The following DDR2 variants were observed in gnomAD, a reference collection of about 807,000 sequenced individuals.
DDR2 encodes discoidin domain receptor tyrosine kinase 2.
DDR2 carries 27 observed loss-of-function variants against 94.9 expected under a neutral mutation model. That is an observed-to-expected ratio of 0.28 (90% CI 0.21 to 0.39). The LOEUF (loss-of-function observed/expected upper bound fraction) is 0.39. Ranked by LOEUF, DDR2 falls within the 10% of genes least tolerant of loss-of-function variation. The pLI is 1.00. For synonymous variants in DDR2, 382 were observed against 377.2 expected (o/e 1.01, Z -0.15); for missense variants, 783 against 1,076.0 (o/e 0.73, Z 3.81).
chr1:162,761,153 T>A (rs1012407076), intron 8 of DDR2, 58 bp from the exon 9 acceptor site: 34 of 1,611,762 alleles, frequency 2.1e-5, no homozygotes, highest in Admixed American at 3.3e-5. Context: ...GCTGGCACTG[T>A]GTCTCCATGC....
Position 162,717,062 on chromosome 1 carries a change from G to A in DDR2, c.-27-1975G>A, listed in dbSNP as rs377408114. ...ATTCTAGAACAGTTTTTTTTTTTTTGTCTCACTCTGTCGCCCAGGCTGGAG... is the reference window on the plus strand; with the variant it reads ...ATTCTAGAACAGTTTTTTTTTTTTTATCTCACTCTGTCGCCCAGGCTGGAG... On this transcript the variant is annotated intron_variant, in intron 2 of 17. Transcript: ENST00000367921. 3.1e-4 allele frequency among the ~76,000 whole-genome samples: 30 copies of A among 95,328 alleles called. No individual in the cohort carries two copies. In the South Asian group the frequency reaches 8.2e-3, roughly 26 times the overall value. 62.5% of individuals were successfully genotyped at this position (95,328 alleles called of 152,430 possible). A position where few individuals can be genotyped will look rare whatever the true frequency, so the allele number is the denominator to read the frequency against.
At chr1:162,726,739 C>T (rs910464374) in intron 3 of DDR2, among the ~76,000 whole-genome samples, 5 of 151,980 alleles carry the variant, frequency 3.3e-5, no homozygotes, top group Admixed American at 1.3e-4. Flanking sequence ...TCAGGGCTCT[C>T]GTGTGGAAAG....
In DDR2 at chr1:162,752,378, C is replaced by T. The variant is rs76591942; in HGVS notation, c.83-717C>T. On this transcript the variant is annotated intron_variant, in intron 3 of 17. Coordinates refer to ENST00000367921, the MANE Select transcript of DDR2 (RefSeq NM_006182.4). ...TCTCATGCCAGTAAGCTGATGCCAC[C>T]GTAGGGGTCAACTTTTTTGTTTCCT... 3.2e-3 allele frequency among the ~76,000 whole-genome samples: 484 copies of T among 152,320 alleles called. 2 individuals carry two copies. The highest frequency in any genetic ancestry group is 5.4e-3 in the Non-Finnish European group (370 of 68,024).
chr1:162,774,317 A>C (rs867285423), intron 14 of DDR2, among the ~76,000 whole-genome samples: 2 of 152,162 alleles, frequency 1.3e-5, no homozygotes, highest in Admixed American at 6.5e-5. Context: ...AAATCTCCAC[A>C]CCTGGATAAC....
chr1:162,769,273 G>A (rs188594983), intron 11 of DDR2, among the ~76,000 whole-genome samples: 15 of 152,288 alleles, frequency 9.8e-5, no homozygotes, highest in African/African-American at 3.4e-4. Context: ...GATGACTCAA[G>A]GTGCTCTGGA....
rs1002244100 is a variant in DDR2 at position 162,785,171 on chromosome 1, T to C, written c.*4925T>C. ...CACAAAACACAGTAAGACCTGTTCA[T>C]AGCTTGTTGTCTAGAAAACCAGGTA... On this transcript the variant is annotated 3_prime_UTR_variant, in exon 18 of 18. Coordinates refer to ENST00000367921, the MANE Select transcript of DDR2 (RefSeq NM_006182.4). The C allele has an allele frequency of 2.0e-5, 3 of 152,170 alleles. No homozygotes were observed. Among genetic ancestry groups the C allele is most frequent in the Non-Finnish European group, 4.4e-5 (3 of 68,020 alleles). 9.4% of individuals were successfully genotyped at this position (152,170 alleles called of 1,614,324 possible). A position where few individuals can be genotyped will look rare whatever the true frequency, so the allele number is the denominator to read the frequency against.
At chr1:162,647,115 G>A (rs1166647889) in intron 1 of DDR2, among the ~76,000 whole-genome samples, 1 of 152,028 alleles carries the variant, frequency 6.6e-6, no homozygotes, top group African/African-American at 2.4e-5. Context: ...TAATATACTC[G>A]GTCTAGACTC....
At chr1:162,633,388 G>A (rs1656653707) in intron 1 of DDR2, among the ~76,000 whole-genome samples, 1 of 152,186 alleles carries the variant, frequency 6.6e-6, no homozygotes, top group African/African-American at 2.4e-5. Context: ...TGAGGCAAGA[G>A]TTCGTACTGT....
chr1:162,707,717 T>C (rs1003670183), intron 2 of DDR2, among the ~76,000 whole-genome samples: 3 of 152,222 alleles, frequency 2.0e-5, no homozygotes, highest in Admixed American at 2.0e-4. Flanking sequence ...TCACAATAGA[T>C]GCTAAACATA....
chr1:162,741,263 G>A (rs13376682), intron 3 of DDR2, among the ~76,000 whole-genome samples: 2,964 of 124,654 alleles, frequency 0.024, 114 homozygotes, highest in African/African-American at 0.065. Context: ...GTAATGTAAT[G>A]TAATATAATA....
intron 4 of DDR2, among the ~76,000 whole-genome samples, chr1:162,754,036 T>A (rs1266727395): frequency 2.0e-5 from 3 of 152,172 alleles, no homozygotes; most frequent in Non-Finnish European, 4.4e-5. Flanking sequence ...GTAAACTTTA[T>A]AATAATTTCA....
intron 2 of DDR2, among the ~76,000 whole-genome samples, chr1:162,685,988 G>A (rs1322669080): frequency 1.3e-5 from 2 of 152,244 alleles, no homozygotes; most frequent in East Asian, 1.9e-4. Flanking sequence ...CCGAAGAAGA[G>A]GGACTGTGTT....
At chr1:162,635,612 G>A (rs1301017432) in intron 1 of DDR2, among the ~76,000 whole-genome samples, 2 of 152,134 alleles carry the variant, frequency 1.3e-5, no homozygotes, top group African/African-American at 2.4e-5. Flanking sequence ...TGAATTGATC[G>A]ACTCTGTCCC....
intron 2 of DDR2, among the ~76,000 whole-genome samples, chr1:162,660,088 GA>G (rs1490272149): frequency 6.6e-6 from 1 of 152,130 alleles, no homozygotes; most frequent in Non-Finnish European, 1.5e-5. Context: ...TTTGGGCACA[GA>G]ACTCCTGGTT....
intron 2 of DDR2, among the ~76,000 whole-genome samples, chr1:162,670,769 T>G (rs550107624): frequency 6.6e-6 from 1 of 152,360 alleles, no homozygotes; most frequent in African/African-American, 2.4e-5. Context: ...CTGTTGTCTG[T>G]TGATACCCAG....
chr1:162,753,048 A>G (rs1350499594), intron 3 of DDR2, 47 bp from the exon 4 acceptor site: 1 of 1,537,510 alleles, frequency 6.5e-7, no homozygotes, highest in South Asian at 1.1e-5. Context: ...TTGGAAATAA[A>G]AATAAAACCA....
chr1:162,672,545 T>C (rs932818735), intron 2 of DDR2, among the ~76,000 whole-genome samples: 2 of 152,206 alleles, frequency 1.3e-5, no homozygotes, highest in Non-Finnish European at 1.5e-5. Flanking sequence ...TAAACACATA[T>C]GCATATTTAT....
chr1:162,757,358 A>G (rs1231108590), intron 7 of DDR2, among the ~76,000 whole-genome samples: 1 of 152,196 alleles, frequency 6.6e-6, no homozygotes, highest in African/African-American at 2.4e-5. Flanking sequence ...TCACAGGTGC[A>G]GAATCTTGAA....
At position 162,702,999 on chromosome 1, in the gene DDR2, A is replaced by G. The variant is rs569705382; in HGVS notation, c.-27-16038A>G. 6.6e-5 allele frequency among the ~76,000 whole-genome samples: 10 copies of G among 152,312 alleles called. No individual in the cohort carries two copies. The East Asian group carries it at 1.7e-3, about 26-fold the overall frequency. On this transcript the variant is annotated intron_variant, in intron 2 of 17. Transcript: ENST00000367921. The stretch of plus-strand genomic sequence containing the variant: ...TTCTGATATGTAATAAGTTCTCAAT[A>G]AATGCTGGTTAATGAATATTTCAAG...
Sources: gnomAD v4.1 joint callset for allele counts (sites outside exome capture counted in the v4.1 genomes callset) on GRCh38, gnomAD v4.1.1 for gene constraint, MANE v1.5 for transcripts, NCBI Gene and HGNC (gene_info 2026-07-23, HGNC 2026-07-21) for gene names.